The following CDH4 variants were observed in gnomAD, a reference collection of about 807,000 sequenced individuals.
CDH4 encodes the protein cadherin-4.
Under a neutral mutation model 86.0 loss-of-function variants are expected in CDH4, and 33 were observed. The observed-to-expected ratio is 0.38, with a 90% CI of 0.29 to 0.51. The LOEUF (loss-of-function observed/expected upper bound fraction) is 0.51, where lower values mean the gene tolerates loss of function less well. Ranked by LOEUF, CDH4 falls within the 20% of genes least tolerant of loss-of-function variation. The pLI, the probability that CDH4 is intolerant of heterozygous loss-of-function variation, is 0.86. For missense variants in CDH4, 1,114 were observed against 1,307.4 expected, an observed-to-expected ratio of 0.85 and a Z score of 2.28; for synonymous variants, 555 against 549.4, an observed-to-expected ratio of 1.01 and a Z score of -0.14.
chr20:61,325,901 C>T (rs1037197118), intron 2 of CDH4, among the ~76,000 whole-genome samples: 15 of 152,154 alleles, frequency 9.9e-5, no homozygotes, highest in Non-Finnish European at 1.0e-4. Flanking sequence ...TGCCTCTTTT[C>T]CCACCAGAGC....
intron 2 of CDH4, among the ~76,000 whole-genome samples, chr20:61,394,942 A>C (rs552085649): frequency 6.3e-4 from 91 of 144,328 alleles, no homozygotes; most frequent in Non-Finnish European, 9.5e-4. Flanking sequence ...CCCAAGGTCC[A>C]TCCTGGAAAA....
intron 9 of CDH4, among the ~76,000 whole-genome samples, chr20:61,920,495 A>C (rs371174313): frequency 1.9e-4 from 29 of 149,366 alleles, no homozygotes; most frequent in African/African-American, 6.8e-4. Flanking sequence ...ATTGTGTGGA[A>C]GCGTGTCATG....
At chr20:61,710,656 G>A (rs533572285) in intron 2 of CDH4, among the ~76,000 whole-genome samples, 264 of 152,370 alleles carry the variant, frequency 1.7e-3, no homozygotes, top group Admixed American at 3.9e-3. Context: ...TGAGGAAGGG[G>A]CAAGGGCCCA....
intron 12 of CDH4, among the ~76,000 whole-genome samples, chr20:61,929,098 T>G (rs2055077393): frequency 6.6e-6 from 1 of 152,188 alleles, no homozygotes; most frequent in Non-Finnish European, 1.5e-5. Context: ...TCTTTATATA[T>G]TCAGGAAATT....
intron 2 of CDH4, among the ~76,000 whole-genome samples, chr20:61,307,381 C>T (rs990366899): frequency 2.0e-5 from 3 of 152,184 alleles, no homozygotes; most frequent in East Asian, 1.9e-4. Flanking sequence ...AAACACATTG[C>T]ATGTGTCATT....
Position 61,895,062 on chromosome 20 carries a change from G to A in CDH4, c.1188+15G>A. 1.2e-6 allele frequency: 2 copies of A among 1,612,544 alleles called. No individual in the cohort carries two copies. The highest frequency in any genetic ancestry group is 4.5e-5 in the East Asian group (2 of 44,882). Reference sequence around the variant, plus strand: ...CCGCCAGCACGGTGAGTCCCTCGAAGCTGCCCAGTGACGCATGGCCCGTGC... The same window carrying A: ...CCGCCAGCACGGTGAGTCCCTCGAAACTGCCCAGTGACGCATGGCCCGTGC... On this transcript the variant is annotated intron_variant, in intron 8 of 15. Coordinates refer to ENST00000614565, the MANE Select transcript of CDH4 (RefSeq NM_001794.5).
intron 2 of CDH4, among the ~76,000 whole-genome samples, chr20:61,669,415 GA>G (rs2087362577): frequency 6.6e-6 from 1 of 152,254 alleles, no homozygotes; most frequent in Non-Finnish European, 1.5e-5. Flanking sequence ...CTTGGAGGGA[GA>G]ATGCACCCAG....
intron 6 of CDH4, among the ~76,000 whole-genome samples, chr20:61,870,985 C>T (rs1039570590): frequency 7.2e-5 from 11 of 152,024 alleles, no homozygotes; most frequent in South Asian, 2.1e-4. Flanking sequence ...ATTCCTTAGA[C>T]GCACCAGTGT....
At chr20:61,499,383 A>G in intron 2 of CDH4, 1 of 1,163,076 alleles carries the variant, frequency 8.6e-7, no homozygotes, top group Non-Finnish European at 1.1e-6. Context: ...TGCCCTGTTA[A>G]AGGTTATGCG....
At chr20:61,888,186 G>A (rs569525002) in intron 7 of CDH4, among the ~76,000 whole-genome samples, 6 of 152,306 alleles carry the variant, frequency 3.9e-5, no homozygotes, top group South Asian at 4.1e-4. Flanking sequence ...CGCCACTGCC[G>A]GTACACACAG....
At chr20:61,890,508 G>A (rs557045308) in intron 7 of CDH4, among the ~76,000 whole-genome samples, 1 of 151,880 alleles carries the variant, frequency 6.6e-6, no homozygotes, top group East Asian at 1.9e-4. Flanking sequence ...ATGGGTGGAT[G>A]ATGGATGCTG....
intron 2 of CDH4, among the ~76,000 whole-genome samples, chr20:61,329,676 A>T (rs1173954019): frequency 8.0e-5 from 2 of 24,990 alleles, no homozygotes; most frequent in African/African-American, 2.4e-4. Context: ...TTGTCACTTT[A>T]AAAAAAAAAT....
chr20:61,601,916 A>G (rs562922566), intron 2 of CDH4, among the ~76,000 whole-genome samples: 2 of 152,334 alleles, frequency 1.3e-5, no homozygotes, highest in African/African-American at 4.8e-5. Context: ...AGCCATAAAT[A>G]TGAGAGACAG....
intron 2 of CDH4, among the ~76,000 whole-genome samples, chr20:61,295,480 A>G (rs549784801): frequency 2.0e-5 from 3 of 152,366 alleles, no homozygotes; most frequent in South Asian, 4.1e-4. Flanking sequence ...ATGTACACAC[A>G]CTGCGACTGT....
Position 61,874,981 on chromosome 20 carries a change from C to G in CDH4, c.1050+1081C>G, listed in dbSNP as rs566551043. Among the ~76,000 whole-genome samples the G allele has an allele frequency of 3.9e-5, 6 of 152,336 alleles. No individual in the cohort carries two copies. In the East Asian group the frequency reaches 1.2e-3, roughly 29 times the overall value. ...GGCGGCTTCTGAGTGCGTCACGGCC[C>G]TCGAGCTCTGGGTGTGCGGGGACCC... On this transcript the variant is annotated intron_variant, in intron 7 of 15. Coordinates refer to ENST00000614565, the MANE Select transcript of CDH4 (RefSeq NM_001794.5).
At chr20:61,511,622 AAT>A (rs1404263182) in intron 2 of CDH4, among the ~76,000 whole-genome samples, 1 of 152,200 alleles carries the variant, frequency 6.6e-6, no homozygotes, top group Non-Finnish European at 1.5e-5. Flanking sequence ...TGAATCATAA[AAT>A]ATGTGTATGC....
chr20:61,871,038 GATGTGT>G (rs1335150485), intron 6 of CDH4, among the ~76,000 whole-genome samples: 5 of 88,558 alleles, frequency 5.6e-5, no homozygotes, highest in Non-Finnish European at 9.9e-5. Flanking sequence ...ATATTTATAG[GATGTGT>G]GTGTGTGTGT....
intron 2 of CDH4, among the ~76,000 whole-genome samples, chr20:61,603,535 C>T (rs2086619487): frequency 6.6e-6 from 1 of 152,186 alleles, no homozygotes; most frequent in Non-Finnish European, 1.5e-5. Context: ...TGTGCCCTAC[C>T]AGGTGTGGGA....
intron 4 of CDH4, among the ~76,000 whole-genome samples, chr20:61,820,755 A>T (rs374237450): frequency 6.6e-6 from 1 of 152,102 alleles, no homozygotes; most frequent in African/African-American, 2.4e-5. Flanking sequence ...TTCCCCTCCC[A>T]AGACCCTCAT....
Sources: allele counts gnomAD v4.1 joint callset (sites outside exome capture counted in the v4.1 genomes callset), GRCh38; gene constraint gnomAD v4.1.1; transcripts MANE v1.5; gene names NCBI Gene and HGNC (gene_info 2026-07-23, HGNC 2026-07-21).